GUCY2F: variants seen among roughly 807,000 people sequenced by gnomAD.
The protein encoded by GUCY2F is retinal guanylyl cyclase 2.
A neutral mutation model predicts 73.1 loss-of-function variants in GUCY2F; 61 were observed. The observed-to-expected ratio is 0.83, with a 90% CI of 0.68 to 1.03. The LOEUF is 1.03. Ranked by LOEUF, GUCY2F falls within the 50% of genes least tolerant of loss-of-function variation. The probability of loss-of-function intolerance (pLI) is 0.00; values close to 1 mark genes in which losing one functional copy is unlikely to be tolerated. For synonymous variants in GUCY2F, 331 were observed against 307.8 expected (o/e 1.08, Z -0.79); for missense variants, 912 against 854.3 (o/e 1.07, Z -0.84).
At chrX:109,392,724 C>T (rs975073910) in intron 13 of GUCY2F, among the ~76,000 whole-genome samples, 168 bp downstream of exon 13, 31 of 111,635 alleles carry the variant, frequency 2.8e-4, no homozygotes, top group African/African-American at 9.8e-4. Flanking sequence ...CCTTGGTTTC[C>T]AATTTTACTT....
chrX:109,380,037 A>G (rs1210186974), intron 17 of GUCY2F, among the ~76,000 whole-genome samples: 1 of 112,473 alleles, frequency 8.9e-6, no homozygotes, highest in Non-Finnish European at 1.9e-5. Flanking sequence ...GAAATAACGT[A>G]AAGTGTCATC....
intron 7 of GUCY2F, among the ~76,000 whole-genome samples, chrX:109,436,659 A>G (rs1189974205): frequency 5.4e-5 from 6 of 111,106 alleles, no homozygotes; most frequent in African/African-American, 1.6e-4. Context: ...ATTGGAAATC[A>G]TCGTTCTCAG....
At chrX:109,445,946 G>A (rs1041513394) in intron 6 of GUCY2F, among the ~76,000 whole-genome samples, 2 of 111,716 alleles carry the variant, frequency 1.8e-5, no homozygotes, top group Admixed American at 9.5e-5. Context: ...CAAAATCAAT[G>A]TACAAAAATC....
intron 8 of GUCY2F, among the ~76,000 whole-genome samples, chrX:109,410,624 T>C: frequency 8.9e-6 from 1 of 112,234 alleles, no homozygotes; most frequent in Non-Finnish European, 1.9e-5. Flanking sequence ...CCGAAAAAGC[T>C]CACATTCAAT....
In GUCY2F at chrX:109,404,473, G is replaced by A; in HGVS notation, c.1980C>T (p.Tyr660=). ...CATGAACAAACTCTCTGTGGTGTAA[G>A]TACTTCATGCCCTGTAGATGACACA... ...LLLDLIKGMK[Y]LHHREFVHGR... The change falls in exon 10 of 20, where the codon TAC becomes TAT. Residue 660 remains tyrosine, a synonymous_variant. Coordinates refer to ENST00000218006, the MANE Select transcript of GUCY2F (RefSeq NM_001522.3). 8.4e-7 allele frequency: 1 copy of A among 1,185,901 alleles called. No homozygotes were observed. The highest frequency in any genetic ancestry group is 1.1e-6 in the Non-Finnish European group (1 of 874,179).
chrX:109,443,839 A>G (rs1353712887), intron 6 of GUCY2F, among the ~76,000 whole-genome samples: 1 of 112,405 alleles, frequency 8.9e-6, no homozygotes, highest in Non-Finnish European at 1.9e-5. Flanking sequence ...CTGAAACTTT[A>G]CTATATTTTG....
chrX:109,377,723 CTGTT>C (rs1210018100), intron 17 of GUCY2F, among the ~76,000 whole-genome samples: 3 of 111,791 alleles, frequency 2.7e-5, no homozygotes, highest in Non-Finnish European at 5.6e-5. Context: ...CCATATTTGA[CTGTT>C]TGTCTTGAGA....
chrX:109,409,281 C>G, intron 8 of GUCY2F, 113 bp from the exon 9 acceptor site: 1 of 449,628 alleles, frequency 2.2e-6, no homozygotes, highest in Non-Finnish European at 3.9e-6. Flanking sequence ...GTGTGGTTGA[C>G]AGAATTTTGA....
At chrX:109,374,444 C>A (rs1336214111) in intron 19 of GUCY2F, among the ~76,000 whole-genome samples, 2 of 111,887 alleles carry the variant, frequency 1.8e-5, no homozygotes, top group African/African-American at 6.5e-5. Context: ...CAACATGCAT[C>A]TGCATGTCAG....
chrX:109,475,859 G>T lies in GUCY2F; in HGVS notation c.78C>A (p.Gly26=), dbSNP rs1456452680. 8.3e-7 allele frequency: 1 copy of T among 1,208,244 alleles called. No homozygotes were observed. The highest frequency in any genetic ancestry group is 1.8e-5 in the African/African-American group (1 of 56,764). The change falls in exon 2 of 20, where the codon GGC becomes GGA. Residue 26 remains glycine, a synonymous_variant. Coordinates refer to ENST00000218006, the MANE Select transcript of GUCY2F (RefSeq NM_001522.3). ...AAFRKLLGHH[G]LASAKFLWCL... ...ACCACAGGAACTTGGCAGATGCAAG[G>T]CCATGGTGTCCCAGCAGTTTCCTGA...
chrX:109,398,490 T>C, intron 11 of GUCY2F, 59 bp downstream of exon 11: 1 of 1,048,344 alleles, frequency 9.5e-7, no homozygotes, highest in East Asian at 3.0e-5. Context: ...CAGCCTGAGT[T>C]GGTCTGATGA....
intron 8 of GUCY2F, among the ~76,000 whole-genome samples, chrX:109,420,270 G>A (rs1931338377): frequency 1.0e-5 from 1 of 96,707 alleles, no homozygotes; most frequent in Admixed American, 1.2e-4. Context: ...GGGGAGGGAT[G>A]GAGGGAGGGG....
rs772261325 is a variant in GUCY2F at position 109,385,171 on chromosome X, A to G, written c.3055+13T>C. The stretch of plus-strand genomic sequence containing the variant: ...GTGGTGCCATCCTATCCATCTCTCT[A>G]TTAGGTACTCACGTAAGCCTGTAGA... On this transcript the variant is annotated intron_variant, in intron 16 of 19. Transcript: ENST00000218006. 8.3e-6 allele frequency: 8 copies of G among 967,236 alleles called. No homozygotes were observed. In the South Asian group the frequency reaches 1.4e-4, roughly 17 times the overall value. The allele number at this position is 967,236 out of a possible 1,213,427, so 79.7% of individuals were successfully genotyped here. A position where few individuals can be genotyped will look rare whatever the true frequency, so the allele number is the denominator to read the frequency against.
In GUCY2F at chrX:109,463,030, AT is replaced by A. The variant is rs757661928; in HGVS notation, c.1032+2111del. Reference sequence around the variant, plus strand: ...AGTAACAATAAAGTCCAAATCCAGCATTGTTAATATCTCTGTTATTAATTTT... The same window carrying A: ...AGTAACAATAAAGTCCAAATCCAGCATGTTAATATCTCTGTTATTAATTTT... On this transcript the variant is annotated intron_variant, in intron 3 of 19. Transcript: ENST00000218006. 2.0e-3 allele frequency among the ~76,000 whole-genome samples: 219 copies of A among 111,980 alleles called. 1 individual carries two copies. Among genetic ancestry groups the A allele is most frequent in the African/African-American group, 7.0e-3 (216 of 30,840 alleles).
At chrX:109,406,052 AT>A (rs1930966380) in intron 9 of GUCY2F, among the ~76,000 whole-genome samples, 1 of 111,735 alleles carries the variant, frequency 8.9e-6, no homozygotes, top group African/African-American at 3.3e-5. Context: ...GGTCAAGACT[AT>A]GATCAGTATG....
chrX:109,474,004 C>T (rs182215701), intron 2 of GUCY2F, among the ~76,000 whole-genome samples: 17 of 112,119 alleles, frequency 1.5e-4, no homozygotes, highest in Admixed American at 3.8e-4. Flanking sequence ...CTAAACATCA[C>T]GGAATCTTGT....
At chrX:109,430,469 A>G in intron 7 of GUCY2F, 73 bp from the exon 8 acceptor site, 1 of 614,845 alleles carries the variant, frequency 1.6e-6, no homozygotes, top group Non-Finnish European at 2.8e-6. Context: ...TGTCCCTTCC[A>G]CATAAAGGGT....
At chrX:109,415,908 T>A (rs986261143) in intron 8 of GUCY2F, among the ~76,000 whole-genome samples, 10 of 112,018 alleles carry the variant, frequency 8.9e-5, no homozygotes, top group Non-Finnish European at 1.7e-4. Flanking sequence ...AATTGAACAC[T>A]GTCTTTAAAT....
chrX:109,397,909 A>G (rs754349091), intron 11 of GUCY2F, among the ~76,000 whole-genome samples: 1 of 110,402 alleles, frequency 9.1e-6, no homozygotes, highest in African/African-American at 3.3e-5. Context: ...CAATGGGTAC[A>G]TAACATGGGT....
Sources: gnomAD v4.1 joint callset for allele counts (sites outside exome capture counted in the v4.1 genomes callset) on GRCh38, gnomAD v4.1.1 for gene constraint, MANE v1.5 for transcripts, NCBI Gene and HGNC (gene_info 2026-07-23, HGNC 2026-07-21) for gene names.